The following MPP7 variants were observed in gnomAD, a reference collection of about 807,000 sequenced individuals.
The protein encoded by MPP7 is MAGUK p55 subfamily member 7.
In MPP7, 60 loss-of-function variants were observed where a neutral mutation model predicts 76.5. The observed-to-expected ratio is 0.78, with a 90% CI of 0.64 to 0.97. The LOEUF (loss-of-function observed/expected upper bound fraction) is 0.97. Among genes scored for constraint, MPP7 ranks in the 50% least tolerant of loss-of-function variants. MPP7 has a pLI of 0.00. For synonymous variants in MPP7, 237 were observed against 244.5 expected, an observed-to-expected ratio of 0.97 and a Z score of 0.29; for missense variants, 641 against 694.0, an observed-to-expected ratio of 0.92 and a Z score of 0.86.
At chr10:28,335,024 G>A (rs1294481032), upstream of MPP7, among the ~76,000 whole-genome samples, 1 of 152,180 alleles carries the variant, frequency 6.6e-6, no homozygotes, top group Non-Finnish European at 1.5e-5. Context: ...AGATGCTGCT[G>A]GGGCTGCTGT....
intron 14 of MPP7, chr10:28,059,408 C>T: frequency 2.6e-6 from 1 of 381,072 alleles, no homozygotes; most frequent in East Asian, 5.2e-5. Flanking sequence ...TTGCAACCTT[C>T]CCTCATTCTG....
intron 12 of MPP7, 120 bp from the exon 13 acceptor site, chr10:28,069,972 A>G: frequency 1.5e-6 from 1 of 680,140 alleles, no homozygotes; most frequent in Admixed American, 2.5e-5. Flanking sequence ...TCCTAAGTAA[A>G]GAGATTATTT....
intron 5 of MPP7, among the ~76,000 whole-genome samples, chr10:28,137,172 T>C (rs1170389914): frequency 2.6e-5 from 4 of 152,106 alleles, no homozygotes; most frequent in African/African-American, 9.7e-5. Context: ...CACAAAACAA[T>C]GGAGCAACAT....
At chr10:28,208,868 T>C (rs1181140153) in intron 2 of MPP7, among the ~76,000 whole-genome samples, 1 of 152,136 alleles carries the variant, frequency 6.6e-6, no homozygotes, top group Non-Finnish European at 1.5e-5. Flanking sequence ...CTAAGTCTCA[T>C]GTTGAATTGT....
At chr10:28,217,636 T>G (rs1228460251) in intron 2 of MPP7, among the ~76,000 whole-genome samples, 1 of 151,880 alleles carries the variant, frequency 6.6e-6, no homozygotes, top group Non-Finnish European at 1.5e-5. Context: ...TAGGAACCAT[T>G]TCACAAAACC....
chr10:28,145,984 C>T (rs1360589047), intron 5 of MPP7, among the ~76,000 whole-genome samples: 1 of 152,112 alleles, frequency 6.6e-6, no homozygotes, highest in Non-Finnish European at 1.5e-5. Context: ...ATACCATAAT[C>T]GGGGATTTTT....
chr10:28,176,904 C>A (rs1588887269), intron 3 of MPP7, among the ~76,000 whole-genome samples: 1 of 149,294 alleles, frequency 6.7e-6, no homozygotes, highest in Non-Finnish European at 1.5e-5. Context: ...GGAGGGATAG[C>A]ATTAGGAGAT....
intron 1 of MPP7, among the ~76,000 whole-genome samples, chr10:28,243,342 G>C (rs1839332174): frequency 6.6e-6 from 1 of 151,940 alleles, no homozygotes; most frequent in African/African-American, 2.4e-5. Context: ...GGTTCTATCA[G>C]CTTCTCAATG....
At chr10:28,262,206 T>TATATATATATATAC (rs1564741195) in intron 1 of MPP7, among the ~76,000 whole-genome samples, 2 of 8,442 alleles carry the variant, frequency 2.4e-4, no homozygotes, top group African/African-American at 4.8e-4. Context: ...TATATATATA[T>TATATATATATATAC]ACATATATAT....
At chr10:28,122,355 C>T (rs1053421074) in intron 8 of MPP7, among the ~76,000 whole-genome samples, 21 of 152,250 alleles carry the variant, frequency 1.4e-4, no homozygotes, top group Admixed American at 2.6e-4. Flanking sequence ...ATTTGATCAA[C>T]GCAACTTTCT....
intron 6 of MPP7, among the ~76,000 whole-genome samples, chr10:28,128,739 G>C (rs1348158151): frequency 6.6e-6 from 1 of 152,194 alleles, no homozygotes; most frequent in African/African-American, 2.4e-5. Flanking sequence ...TGTGAAAATT[G>C]AGATGTCTAT....
chr10:28,192,502 A>C (rs1837443465), intron 3 of MPP7, among the ~76,000 whole-genome samples: 1 of 152,220 alleles, frequency 6.6e-6, no homozygotes, highest in Non-Finnish European at 1.5e-5. Context: ...AATTAAAAAT[A>C]TAATACCACT....
intron 1 of MPP7, among the ~76,000 whole-genome samples, chr10:28,331,823 C>G (rs1834473189): frequency 6.6e-6 from 1 of 152,182 alleles, no homozygotes; most frequent in South Asian, 2.1e-4. Flanking sequence ...GTTTCAGCCA[C>G]CTCAGCCTCC....
At chr10:28,203,063 C>T (rs1244190137) in intron 2 of MPP7, 2 of 152,144 alleles carry the variant, frequency 1.3e-5, no homozygotes, top group Non-Finnish European at 1.5e-5. Flanking sequence ...AGTGCCTGCC[C>T]GAGACTCTTT....
chr10:28,151,175 G>C (rs759797681), intron 3 of MPP7, among the ~76,000 whole-genome samples: 1 of 152,180 alleles, frequency 6.6e-6, no homozygotes. Flanking sequence ...ATTGCTAAGA[G>C]AGGATTCTAT....
intron 8 of MPP7, among the ~76,000 whole-genome samples, chr10:28,122,703 T>C (rs900304889): frequency 3.3e-5 from 5 of 152,188 alleles, no homozygotes; most frequent in African/African-American, 9.6e-5. Flanking sequence ...TGCTGATTTT[T>C]CTGTAAATGT....
upstream of MPP7, among the ~76,000 whole-genome samples, chr10:28,303,129 C>T (rs1347213152): frequency 4.0e-5 from 6 of 150,100 alleles, no homozygotes; most frequent in African/African-American, 1.2e-4. Flanking sequence ...GCACCGCCCG[C>T]GGGTAAGAGG....
intron 12 of MPP7, among the ~76,000 whole-genome samples, chr10:28,070,682 CTT>C (rs1852202392): frequency 1.3e-5 from 2 of 152,180 alleles, no homozygotes; most frequent in African/African-American, 4.8e-5. Flanking sequence ...ACCTTACACA[CTT>C]TACTCAATCA....
chr10:28,207,246 A>G (rs1837978068), intron 2 of MPP7, among the ~76,000 whole-genome samples: 1 of 152,214 alleles, frequency 6.6e-6, no homozygotes, highest in Non-Finnish European at 1.5e-5. Context: ...AAAATTCTCC[A>G]GTATATAAAA....
Sources: allele counts gnomAD v4.1 joint callset (sites outside exome capture counted in the v4.1 genomes callset), GRCh38; gene constraint gnomAD v4.1.1; transcripts MANE v1.5; gene names NCBI Gene and HGNC (gene_info 2026-07-23, HGNC 2026-07-21).